GAD2: variants seen among roughly 807,000 people sequenced by gnomAD.
GAD2 encodes 65 kDa glutamic acid decarboxylase.
Under a neutral mutation model 80.1 loss-of-function variants are expected in GAD2, and 22 were observed. The ratio of observed to expected loss-of-function variants is 0.27; its 90% CI spans 0.20 to 0.39. GAD2 has a LOEUF of 0.39. GAD2 is among the 10% of genes least tolerant of loss of function. The probability of loss-of-function intolerance (pLI) is 1.00; values close to 1 mark genes in which losing one functional copy is unlikely to be tolerated. For synonymous variants in GAD2, 274 were observed against 256.9 expected (o/e 1.07, Z -0.64); for missense variants, 624 against 738.4 (o/e 0.85, Z 1.80).
At chr10:26,252,806 G>A (rs1264578514) in intron 8 of GAD2, among the ~76,000 whole-genome samples, 1 of 151,904 alleles carries the variant, frequency 6.6e-6, no homozygotes, top group Non-Finnish European at 1.5e-5. Context: ...TTACAGGCAT[G>A]TGCAACCACA....
chr10:26,250,754 A>T (rs7074897), intron 8 of GAD2, among the ~76,000 whole-genome samples: 37,996 of 151,936 alleles, frequency 0.25, 5,603 homozygotes, highest in African/African-American at 0.41. Flanking sequence ...CACTTTTTTT[A>T]AAAAAAAGAA....
In GAD2 at chr10:26,301,968, GAATT is replaced by G. The variant is rs1834333437; in HGVS notation, c.*1013_*1016del. The G allele has an allele frequency of 6.6e-6, 1 of 152,118 alleles. No homozygotes were observed. Among genetic ancestry groups the G allele is most frequent in the Non-Finnish European group, 1.5e-5 (1 of 68,028 alleles). 9.4% of individuals were successfully genotyped at this position (152,118 alleles called of 1,614,324 possible). A position where few individuals can be genotyped will look rare whatever the true frequency, so the allele number is the denominator to read the frequency against. ...ATAGTATTCTTTTATTAGGTCATTT[GAATT>G]AATTAGAGAAAGTAAAAATAAAACC... On this transcript the variant is annotated 3_prime_UTR_variant, in exon 16 of 16. Coordinates refer to ENST00000376261, the MANE Select transcript of GAD2 (RefSeq NM_001134366.2).
chr10:26,284,396 C>T (rs1419417249), intron 12 of GAD2, among the ~76,000 whole-genome samples: 1 of 152,044 alleles, frequency 6.6e-6, no homozygotes, highest in Non-Finnish European at 1.5e-5. Context: ...TCTTTATGTA[C>T]AGCAACTATT....
intron 12 of GAD2, among the ~76,000 whole-genome samples, chr10:26,282,593 A>G (rs7905275): frequency 0.097 from 14,761 of 152,164 alleles, 2,355 homozygotes; most frequent in African/African-American, 0.33. Flanking sequence ...TTATTCTATC[A>G]CATAATTCAA....
rs1041854855 is a variant in GAD2 at position 26,217,325 on chromosome 10, G to A, written c.77-285G>A. On this transcript the variant is annotated intron_variant, in intron 1 of 15. Transcript: ENST00000376261. This position sits in a 1 kb window ranked among gnomAD's most constrained non-coding sequence, Gnocchi z 4.9. ...CAGTGTTTAGGAAAACTCGTCCAAG[G>A]TAGGCAGGGAGAGGAATTTGCCTGA... 4.6e-5 allele frequency among the ~76,000 whole-genome samples: 7 copies of A among 152,324 alleles called. No homozygotes were observed. The highest frequency in any genetic ancestry group is 1.0e-4 in the Non-Finnish European group (7 of 68,014).
chr10:26,232,565 C>T (rs1277911149), intron 7 of GAD2, among the ~76,000 whole-genome samples: 2 of 148,308 alleles, frequency 1.3e-5, no homozygotes, highest in Non-Finnish European at 3.0e-5. Flanking sequence ...GGTGCAGTCT[C>T]GGCTCACTGC....
Position 26,245,962 on chromosome 10 carries a change from T to C in GAD2, c.882T>C (p.Ile294=). The stretch of plus-strand genomic sequence containing the variant: ...AGAAGGGAGCTGCAGCCTTAGGGAT[T>C]GGAACAGACAGCGTGATTCTGATTA... ...SLKKGAAALG[I]GTDSVILIKC... Residue 294 remains isoleucine, a synonymous_variant, in exon 8 of 16, where the codon ATT becomes ATC. Coordinates refer to ENST00000376261, the MANE Select transcript of GAD2 (RefSeq NM_001134366.2). 1 of 1,614,162 alleles carries C rather than the reference T, an allele frequency of 6.2e-7. No individual in the cohort carries two copies. Among genetic ancestry groups the C allele is most frequent in the South Asian group, 1.1e-5 (1 of 91,076 alleles).
chr10:26,230,729 T>C (rs1210121496), intron 7 of GAD2, among the ~76,000 whole-genome samples: 6 of 149,702 alleles, frequency 4.0e-5, no homozygotes, highest in Non-Finnish European at 8.9e-5. Flanking sequence ...GCCACCATCA[T>C]ACCCAGCCTG....
chr10:26,232,894 C>G (rs940600133), intron 7 of GAD2, among the ~76,000 whole-genome samples: 1 of 152,192 alleles, frequency 6.6e-6, no homozygotes, highest in Non-Finnish European at 1.5e-5. Context: ...TCTATGCATA[C>G]AGTAGTGAAG....
At chr10:26,246,053 A>C in intron 8 of GAD2, 53 bp downstream of exon 8, 1 of 1,470,368 alleles carries the variant, frequency 6.8e-7, no homozygotes, top group Non-Finnish European at 9.5e-7. Context: ...ATTCCACACA[A>C]GTAGTGCCTT....
At chr10:26,258,030 G>C (rs1237828909) in intron 8 of GAD2, among the ~76,000 whole-genome samples, 1 of 152,052 alleles carries the variant, frequency 6.6e-6, no homozygotes, top group Non-Finnish European at 1.5e-5. Flanking sequence ...AGGGATGCTA[G>C]TCCTGTGTGT....
At chr10:26,267,181 T>C (rs1277078309) in intron 8 of GAD2, among the ~76,000 whole-genome samples, 2 of 152,196 alleles carry the variant, frequency 1.3e-5, no homozygotes, top group South Asian at 2.1e-4. Context: ...TAGCTTTTGG[T>C]AAAGTTGGGT....
chr10:26,286,635 A>T (rs1242743420), intron 13 of GAD2, 141 bp downstream of exon 13: 1 of 759,762 alleles, frequency 1.3e-6, no homozygotes, highest in African/African-American at 1.8e-5. Flanking sequence ...GCGTCTAAAT[A>T]CCTTCATTTG....
Position 26,273,654 on chromosome 10 carries a change from T to C in GAD2, c.1111T>C (p.Leu371=), listed in dbSNP as rs1469914414. Residue 371 remains leucine (L), a synonymous_variant, in exon 11 of 16, where the codon TTA becomes CTA. Transcript: ENST00000376261. ...TTTTCAGGCAGCTTGGGGTGGGGGA[T>C]TACTGATGTCCCGAAAACACAAGTG... ...MHVDAAWGGG[L]LMSRKHKWKL... 3.1e-6 allele frequency: 5 copies of C among 1,613,614 alleles called. No individual in the cohort carries two copies. The highest frequency in any genetic ancestry group is 3.4e-6 in the Non-Finnish European group (4 of 1,179,856).
At position 26,283,077 on chromosome 10, in the gene GAD2, G is replaced by T. The variant is rs981081048; in HGVS notation, c.1236+1990G>T. On this transcript the variant is annotated intron_variant, in intron 12 of 15. Transcript: ENST00000376261. ...CCATCATGTCCTTACAGACCAAAAG[G>T]GAAATGCGAGCCGGAGGAAAATAGA... Among the ~76,000 whole-genome samples, 11 of 152,316 alleles carry T rather than the reference G, an allele frequency of 7.2e-5. No individual in the cohort carries two copies. The East Asian group carries it at 2.1e-3, about 29-fold the overall frequency.
At chr10:26,223,584 T>C (rs908854294) in intron 4 of GAD2, among the ~76,000 whole-genome samples, 3 of 152,038 alleles carry the variant, frequency 2.0e-5, no homozygotes, top group Non-Finnish European at 4.4e-5. Context: ...CAAACCATAT[T>C]TGTTATATTT....
chr10:26,269,380 T>A (rs1176568987), intron 9 of GAD2, among the ~76,000 whole-genome samples: 2 of 152,258 alleles, frequency 1.3e-5, no homozygotes, highest in East Asian at 3.8e-4. Flanking sequence ...TGAATAAATA[T>A]TATATACAGA....
intron 6 of GAD2, among the ~76,000 whole-genome samples, chr10:26,228,586 C>T (rs1197234961): frequency 6.6e-6 from 1 of 152,178 alleles, no homozygotes; most frequent in African/African-American, 2.4e-5. Context: ...GGAACGGGGC[C>T]ACAGAGCAGT....
chr10:26,227,927 G>A (rs1309168396), intron 6 of GAD2, among the ~76,000 whole-genome samples: 1 of 152,240 alleles, frequency 6.6e-6, no homozygotes, highest in Non-Finnish European at 1.5e-5. Flanking sequence ...TTTGATTGAG[G>A]ACAGAGGCAT....
Sources: allele counts gnomAD v4.1 joint callset (sites outside exome capture counted in the v4.1 genomes callset), GRCh38; gene constraint gnomAD v4.1.1; non-coding constraint Gnocchi (gnomAD v3.1); transcripts MANE v1.5; gene names NCBI Gene and HGNC (gene_info 2026-07-23, HGNC 2026-07-21).